MED12L: variants seen among roughly 807,000 people sequenced by gnomAD.
The protein encoded by MED12L is mediator of RNA polymerase II transcription subunit 12-like protein.
A neutral mutation model predicts 281.3 loss-of-function variants in MED12L; 60 were observed. That is an observed-to-expected ratio of 0.21 (90% CI 0.17 to 0.26). MED12L has a LOEUF of 0.26. Ranked by LOEUF, MED12L falls within the 10% of genes least tolerant of loss-of-function variation. MED12L has a pLI of 1.00. For synonymous variants in MED12L, 974 were observed against 987.2 expected, an observed-to-expected ratio of 0.99 and a Z score of 0.25; for missense variants, 2,146 against 2,680.9, an observed-to-expected ratio of 0.80 and a Z score of 4.41.
At chr3:151,191,522 A>G (rs1480319659) in intron 14 of MED12L, among the ~76,000 whole-genome samples, 1 of 152,206 alleles carries the variant, frequency 6.6e-6, no homozygotes, top group African/African-American at 2.4e-5. Flanking sequence ...ATATTGTTCC[A>G]GATACTTACT....
At chr3:151,368,672 T>TTCATTTCATG (rs1755701576) in intron 25 of MED12L, among the ~76,000 whole-genome samples, 3 of 65,128 alleles carry the variant, frequency 4.6e-5, no homozygotes, top group East Asian at 3.9e-4. Flanking sequence ...TTCATTTCAT[T>TTCATTTCATG]TCATGTCATT....
intron 16 of MED12L, chr3:151,270,196 C>CTGTGTGTGTGTGTGT (rs71621430): frequency 1.5e-5 from 2 of 129,706 alleles, no homozygotes; most frequent in Non-Finnish European, 3.0e-5. Flanking sequence ...AGCAAGCTGT[C>CTGTGTGTGTGTGTGT]GTGTGTGTGT....
intron 8 of MED12L, among the ~76,000 whole-genome samples, chr3:151,162,255 T>C (rs1031752774): frequency 2.6e-5 from 4 of 152,080 alleles, no homozygotes; most frequent in Admixed American, 6.5e-5. Context: ...GAACTCCACA[T>C]TGTTACAGTC....
intron 2 of MED12L, among the ~76,000 whole-genome samples, chr3:151,104,116 A>G (rs1451118866): frequency 1.3e-5 from 2 of 152,096 alleles, no homozygotes; most frequent in African/African-American, 2.4e-5. Context: ...TTCGTGATTG[A>G]TGGCCTGCAG....
At chr3:151,218,697 C>A (rs1728714778) in intron 16 of MED12L, among the ~76,000 whole-genome samples, 1 of 151,086 alleles carries the variant, frequency 6.6e-6, no homozygotes, top group South Asian at 2.1e-4. Flanking sequence ...TGAAACCCTG[C>A]CTCTACTAAA....
rs1756915047 is a variant in MED12L at position 151,376,859 on chromosome 3, G to A, written c.4113G>A (p.Gln1371=). ...SWLELQLMIK[Q]CLKDPGSGSV... ...TAGAACTCCAGCTAATGATCAAACA[G>A]TGCTTGAAGGACCCTGTGAGTTTAT... The change falls in exon 29 of 45, where the codon CAG becomes CAA. Residue 1371 remains glutamine (Q), a synonymous_variant. Coordinates refer to ENST00000687756, the MANE Select transcript of MED12L (RefSeq NM_001393769.1). 1.2e-6 allele frequency: 2 copies of A among 1,614,014 alleles called. No homozygotes were observed. The highest frequency in any genetic ancestry group is 3.3e-5 in the Admixed American group (2 of 60,016).
chr3:151,216,424 G>T (rs2149241606), intron 16 of MED12L, among the ~76,000 whole-genome samples: 1 of 152,282 alleles, frequency 6.6e-6, no homozygotes, highest in South Asian at 2.1e-4. Flanking sequence ...TTGAAATATG[G>T]AATATGAAAT....
intron 16 of MED12L, chr3:151,213,140 A>G: frequency 1.8e-6 from 1 of 567,042 alleles, no homozygotes; most frequent in East Asian, 3.0e-5. Flanking sequence ...TTGATGTTAC[A>G]AAAAAGCATG....
rs376182359 is a variant in MED12L at position 151,293,618 on chromosome 3, CGGTCCTAAAATGAAGCCCTT to C, written c.2251-56440_2251-56421del. Among the ~76,000 whole-genome samples, 200 of 73,830 alleles carry C rather than the reference CGGTCCTAAAATGAAGCCCTT, an allele frequency of 2.7e-3. 1 individual carries two copies. The highest frequency in any genetic ancestry group is 6.6e-3 in the Middle Eastern group (1 of 152). 48.4% of individuals were successfully genotyped at this position (73,830 alleles called of 152,430 possible). A position where few individuals can be genotyped will look rare whatever the true frequency, so the allele number is the denominator to read the frequency against. On this transcript the variant is annotated intron_variant, in intron 16 of 44. Coordinates refer to ENST00000687756, the MANE Select transcript of MED12L (RefSeq NM_001393769.1). ...ACACACACACACACACACACACACACGGTCCTAAAATGAAGCCCTTACACACACACACACACACACACACA... is the reference window on the plus strand; with the variant it reads ...ACACACACACACACACACACACACACACACACACACACACACACACACACA...
At chr3:151,386,578 G>GT (rs201719010) in intron 36 of MED12L, among the ~76,000 whole-genome samples, 9,038 of 128,334 alleles carry the variant, frequency 0.07, 561 homozygotes, top group Middle Eastern at 0.19. Flanking sequence ...TTTTGTCTTT[G>GT]TTTTTTTTTT....
intron 2 of MED12L, among the ~76,000 whole-genome samples, chr3:151,112,703 G>A (rs1712108255): frequency 6.6e-6 from 1 of 152,138 alleles, no homozygotes; most frequent in African/African-American, 2.4e-5. Flanking sequence ...TTTCACACTA[G>A]GGAAATCGAT....
chr3:151,230,093 C>T (rs1057419894), intron 16 of MED12L, among the ~76,000 whole-genome samples: 2 of 152,164 alleles, frequency 1.3e-5, no homozygotes, highest in African/African-American at 4.8e-5. Flanking sequence ...CCTCTGCCTC[C>T]CAAGTAGCTG....
At chr3:151,189,376 A>G (rs1723678548) in intron 13 of MED12L, among the ~76,000 whole-genome samples, 1 of 152,184 alleles carries the variant, frequency 6.6e-6, no homozygotes, top group African/African-American at 2.4e-5. Flanking sequence ...AATTCATGGA[A>G]AAGGAAGCAG....
chr3:151,248,635 C>T (rs1736231267), intron 16 of MED12L, among the ~76,000 whole-genome samples: 1 of 151,898 alleles, frequency 6.6e-6, no homozygotes, highest in Non-Finnish European at 1.5e-5. Flanking sequence ...TGTACAAGCC[C>T]CATGAAAGGA....
At chr3:151,227,535 C>A (rs757046990) in intron 16 of MED12L, among the ~76,000 whole-genome samples, 1 of 152,216 alleles carries the variant, frequency 6.6e-6, no homozygotes, top group Non-Finnish European at 1.5e-5. Flanking sequence ...GACTGCAAGT[C>A]TAGCATATTG....
In MED12L at chr3:151,328,202, T is replaced by C. The variant is rs376103971; in HGVS notation, c.2251-21857T>C. On this transcript the variant is annotated intron_variant, in intron 16 of 44. Coordinates refer to ENST00000687756, the MANE Select transcript of MED12L (RefSeq NM_001393769.1). ...ATTTTGCAGTCTACAGTCAGTCTTA[T>C]TGTTGGTTTGACTGTGAGTATATGG... 3.1e-6 allele frequency: 5 copies of C among 1,612,770 alleles called. No homozygotes were observed. The African/African-American group carries it at 5.3e-5, about 17-fold the overall frequency.
At chr3:151,236,468 A>T (rs773944002) in intron 16 of MED12L, among the ~76,000 whole-genome samples, 3 of 152,210 alleles carry the variant, frequency 2.0e-5, no homozygotes, top group Non-Finnish European at 4.4e-5. Flanking sequence ...ATTCTTAACG[A>T]TGTTAATAAT....
At position 151,312,318 on chromosome 3, in the gene MED12L, CA is replaced by C. The variant is rs1198392033; in HGVS notation, c.2251-37740del. ...TCTTTTTAGTTCTCAGCCTGAGAGC[CA>C]CAGAGCTTCATACTCTAGTATGTGC... On this transcript the variant is annotated intron_variant, in intron 16 of 44. Transcript: ENST00000687756. 3.9e-5 allele frequency among the ~76,000 whole-genome samples: 6 copies of C among 152,168 alleles called. No homozygotes were observed. The East Asian group carries it at 1.2e-3, about 29-fold the overall frequency.
At chr3:151,430,234 C>T (rs770168207) in intron 43 of MED12L, 65 bp from the exon 44 acceptor site, 117 of 1,604,604 alleles carry the variant, frequency 7.3e-5, no homozygotes, top group Non-Finnish European at 9.5e-5. Flanking sequence ...GCGAGTTAGT[C>T]TCTGTTCTTG....
Sources: allele counts gnomAD v4.1 joint callset (sites outside exome capture counted in the v4.1 genomes callset), GRCh38; gene constraint gnomAD v4.1.1; transcripts MANE v1.5; gene names NCBI Gene and HGNC (gene_info 2026-07-23, HGNC 2026-07-21).